Variants in ZFHX3 observed in about 807,000 individuals in gnomAD.
ZFHX3 encodes zinc finger homeobox 3, also known as zinc finger homeobox protein 3.
In ZFHX3, 42 loss-of-function variants were observed where a neutral mutation model predicts 279.1. The ratio of observed to expected loss-of-function variants is 0.15; its 90% CI spans 0.12 to 0.19. The LOEUF is 0.19. ZFHX3 is among the 10% of genes least tolerant of loss of function. ZFHX3 has a pLI of 1.00. For synonymous variants in ZFHX3, 2,293 were observed against 1,957.8 expected, an observed-to-expected ratio of 1.17 and a Z score of -4.52; for missense variants, 4,981 against 4,754.0, an observed-to-expected ratio of 1.05 and a Z score of -1.40.
chr16:73,738,053 C>A (rs920177189), intron 1 of ZFHX3, among the ~76,000 whole-genome samples: 1 of 152,120 alleles, frequency 6.6e-6, no homozygotes, highest in African/African-American at 2.4e-5. Context: ...CTCCACATCT[C>A]CATTAGTGCA....
chr16:73,278,546 A>C (rs2014367339), intron 4 of ZFHX3, among the ~76,000 whole-genome samples: 3 of 152,208 alleles, frequency 2.0e-5, no homozygotes, highest in Admixed American at 6.5e-5. Flanking sequence ...CAAAAGAACA[A>C]AGCTTCCACA....
chr16:73,244,389 G>A, intron 5 of ZFHX3, among the ~76,000 whole-genome samples: 1 of 152,156 alleles, frequency 6.6e-6, no homozygotes, highest in South Asian at 2.1e-4. Context: ...CCAGCACACA[G>A]GCTGAATCCC....
At chr16:73,745,575 T>C (rs1453073920) in intron 1 of ZFHX3, among the ~76,000 whole-genome samples, 1 of 152,186 alleles carries the variant, frequency 6.6e-6, no homozygotes, top group Non-Finnish European at 1.5e-5. Flanking sequence ...CTTTACAAAA[T>C]AGTGCTGTTC....
chr16:73,846,218 G>T (rs575020031), intron 1 of ZFHX3, among the ~76,000 whole-genome samples: 4 of 152,208 alleles, frequency 2.6e-5, no homozygotes, highest in African/African-American at 9.6e-5. Context: ...GAATTTGACT[G>T]TATGCAAGTG....
At chr16:73,387,251 G>A (rs1440674372) in intron 3 of ZFHX3, 1 of 152,182 alleles carries the variant, frequency 6.6e-6, no homozygotes, top group Non-Finnish European at 1.5e-5. Flanking sequence ...TGGATTTGTG[G>A]CAGGTGAGCA....
At chr16:73,363,982 T>G (rs1472032138) in intron 3 of ZFHX3, among the ~76,000 whole-genome samples, 3 of 151,918 alleles carry the variant, frequency 2.0e-5, no homozygotes, top group Non-Finnish European at 4.4e-5. Flanking sequence ...AGACCAGCCT[T>G]GCCAATATGG....
chr16:73,734,571 C>A (rs539729145), intron 1 of ZFHX3, among the ~76,000 whole-genome samples: 1 of 152,002 alleles, frequency 6.6e-6, no homozygotes, highest in East Asian at 1.9e-4. Context: ...TGATATATTC[C>A]ATTTATAGAA....
Position 73,101,913 on chromosome 16 carries a change from C to CTTT in ZFHX3, c.-896-8318_-896-8316dup, listed in dbSNP as rs34658877. Among the ~76,000 whole-genome samples, 11 of 116,574 alleles carry CTTT rather than the reference C, an allele frequency of 9.4e-5. 1 individual carries two copies. Among genetic ancestry groups the CTTT allele is most frequent in the South Asian group, 2.9e-4 (1 of 3,482 alleles). The allele number at this position is 116,574 out of a possible 152,430, so 76.5% of individuals were successfully genotyped here. On this transcript the variant is annotated intron_variant, in intron 7 of 17. Transcript: ENST00000641206. The stretch of plus-strand genomic sequence containing the variant: ...AGTAATATTTCTTCCATTCTCACCT[C>CTTT]TTTTTTTTTTTTTTTTTTGAGACAG...
chr16:73,198,595 C>T (rs994651637), intron 5 of ZFHX3, among the ~76,000 whole-genome samples: 5 of 152,130 alleles, frequency 3.3e-5, no homozygotes, highest in Non-Finnish European at 4.4e-5. Flanking sequence ...CAAATGTAAT[C>T]CCATCATTTA....
intron 2 of ZFHX3, among the ~76,000 whole-genome samples, chr16:73,602,250 T>C (rs1038501802): frequency 6.6e-6 from 1 of 152,246 alleles, no homozygotes; most frequent in Non-Finnish European, 1.5e-5. Context: ...AAATATTTTA[T>C]TCTAAAATGA....
intron 1 of ZFHX3, among the ~76,000 whole-genome samples, chr16:73,732,963 C>T (rs1254808756): frequency 6.6e-6 from 1 of 152,144 alleles, no homozygotes; most frequent in East Asian, 1.9e-4. Flanking sequence ...TCTGTATACT[C>T]TTGCTGTTGG....
intron 1 of ZFHX3, among the ~76,000 whole-genome samples, chr16:73,008,654 T>G (rs1176338920): frequency 6.6e-6 from 1 of 152,162 alleles, no homozygotes; most frequent in African/African-American, 2.4e-5. Context: ...GGGCATATGC[T>G]GCTTGCTTAT....
intron 1 of ZFHX3, among the ~76,000 whole-genome samples, chr16:73,002,745 G>A (rs1381367857): frequency 2.0e-5 from 3 of 152,158 alleles, no homozygotes; most frequent in Middle Eastern, 3.4e-3. Context: ...TTTAAATTAG[G>A]TTCTCGCTAA....
intron 1 of ZFHX3, among the ~76,000 whole-genome samples, chr16:73,838,718 A>T (rs1961211139): frequency 1.3e-5 from 2 of 152,034 alleles, no homozygotes; most frequent in African/African-American, 4.8e-5. Context: ...AGGTTCTGCA[A>T]GTCAACTGCT....
intron 1 of ZFHX3, among the ~76,000 whole-genome samples, chr16:73,797,523 G>C (rs1355107674): frequency 1.3e-5 from 2 of 152,166 alleles, no homozygotes; most frequent in Non-Finnish European, 2.9e-5. Flanking sequence ...GGCCCAGGGA[G>C]GTCAGTGGAA....
chr16:73,713,142 G>C (rs1247125656), intron 1 of ZFHX3, among the ~76,000 whole-genome samples: 1 of 152,182 alleles, frequency 6.6e-6, no homozygotes, highest in Non-Finnish European at 1.5e-5. Context: ...TTTAGTACAA[G>C]TCATTTTACA....
At chr16:73,807,750 C>T (rs553754099) in intron 1 of ZFHX3, among the ~76,000 whole-genome samples, 21 of 149,052 alleles carry the variant, frequency 1.4e-4, no homozygotes, top group African/African-American at 4.4e-4. Context: ...GAATTACAGA[C>T]GTAAGCCACT....
Position 73,107,613 on chromosome 16 carries a change from T to C in ZFHX3, c.-896-14015A>G, listed in dbSNP as rs563411363. Among the ~76,000 whole-genome samples, 8 of 152,342 alleles carry C rather than the reference T, an allele frequency of 5.3e-5. No individual in the cohort carries two copies. The South Asian group carries it at 1.7e-3, about 32-fold the overall frequency. On this transcript the variant is annotated intron_variant, in intron 7 of 17. Coordinates refer to the ZFHX3 transcript ENST00000641206. ...CCTGGAACAAACCTGTTCTGTAGCG[T>C]AGCTCCTATGGCATTTTGAGTCTTT...
At chr16:73,700,825 G>A (rs1286808924) in intron 1 of ZFHX3, among the ~76,000 whole-genome samples, 1 of 152,160 alleles carries the variant, frequency 6.6e-6, no homozygotes, top group Non-Finnish European at 1.5e-5. Flanking sequence ...AGTGCAAGAT[G>A]TACTTTTATT....
Sources: allele counts gnomAD v4.1 joint callset (sites outside exome capture counted in the v4.1 genomes callset), GRCh38; gene constraint gnomAD v4.1.1; transcripts MANE v1.5; gene names NCBI Gene and HGNC (gene_info 2026-07-23, HGNC 2026-07-21).